DAAM1: variants seen among roughly 807,000 people sequenced by gnomAD.
The protein encoded by DAAM1 is dishevelled associated activator of morphogenesis 1, also known as disheveled-associated activator of morphogenesis 1.
In DAAM1, 52 loss-of-function variants were observed where a neutral mutation model predicts 130.0. The ratio of observed to expected loss-of-function variants is 0.40; its 90% CI spans 0.32 to 0.50. The LOEUF (loss-of-function observed/expected upper bound fraction) is 0.50, where lower values mean the gene tolerates loss of function less well. Among genes scored for constraint, DAAM1 ranks in the 20% least tolerant of loss-of-function variants. The pLI is 0.61. For missense variants in DAAM1, 1,134 were observed against 1,303.8 expected, an observed-to-expected ratio of 0.87 and a Z score of 2.01; for synonymous variants, 452 against 444.5, an observed-to-expected ratio of 1.02 and a Z score of -0.21.
intron 12 of DAAM1, among the ~76,000 whole-genome samples, chr14:59,327,383 A>G (rs1885245385): frequency 7.5e-6 from 1 of 134,206 alleles, no homozygotes; most frequent in Non-Finnish European, 1.6e-5. Context: ...TTAAAAGAGA[A>G]GAACAGGTCA....
At chr14:59,249,211 G>C (rs1881527696) in intron 1 of DAAM1, among the ~76,000 whole-genome samples, 1 of 152,194 alleles carries the variant, frequency 6.6e-6, no homozygotes, top group South Asian at 2.1e-4. Flanking sequence ...AATTGCCAAA[G>C]GAGCCTATTA....
At chr14:59,239,282 A>G (rs560831665) in intron 1 of DAAM1, among the ~76,000 whole-genome samples, 2 of 152,318 alleles carry the variant, frequency 1.3e-5, no homozygotes, top group East Asian at 3.9e-4. Context: ...CCAACCTATA[A>G]TTAGGACAAT....
At chr14:59,241,968 G>C (rs1185756665) in intron 1 of DAAM1, among the ~76,000 whole-genome samples, 2 of 152,046 alleles carry the variant, frequency 1.3e-5, no homozygotes, top group East Asian at 3.9e-4. Flanking sequence ...GGATTAAATT[G>C]CTCAAATCAA....
chr14:59,228,331 A>G (rs17095892), intron 1 of DAAM1, among the ~76,000 whole-genome samples: 4,307 of 152,260 alleles, frequency 0.028, 94 homozygotes, highest in African/African-American at 0.031. Flanking sequence ...TGTGTAACCT[A>G]TAGGTAATAT....
intron 17 of DAAM1, among the ~76,000 whole-genome samples, chr14:59,349,541 G>A (rs1028060943): frequency 3.9e-5 from 6 of 152,038 alleles, no homozygotes; most frequent in East Asian, 1.9e-4. Context: ...CTTTACTTCC[G>A]TTTCCTCTAT....
intron 1 of DAAM1, among the ~76,000 whole-genome samples, chr14:59,224,177 C>T (rs759051402): frequency 6.6e-6 from 1 of 152,200 alleles, no homozygotes; most frequent in South Asian, 2.1e-4. Flanking sequence ...CAGCAGCATA[C>T]CAGGTACCAG....
intron 1 of DAAM1, among the ~76,000 whole-genome samples, chr14:59,216,456 C>T (rs751045092): frequency 2.0e-5 from 3 of 152,170 alleles, no homozygotes; most frequent in Non-Finnish European, 4.4e-5. Context: ...CGCAGTGGCT[C>T]ATGCCTGTAA....
At chr14:59,195,800 A>G (rs906082756) in intron 1 of DAAM1, among the ~76,000 whole-genome samples, 4 of 152,156 alleles carry the variant, frequency 2.6e-5, no homozygotes, top group African/African-American at 9.7e-5. Context: ...GTGACATACA[A>G]ACCAGGTCAA....
chr14:59,284,467 T>C (rs1883356931), intron 2 of DAAM1, among the ~76,000 whole-genome samples: 1 of 152,162 alleles, frequency 6.6e-6, no homozygotes, highest in South Asian at 2.1e-4. Context: ...TTAATTTACA[T>C]ATTTTATTGA....
chr14:59,299,220 T>C (rs1448656414), intron 3 of DAAM1, among the ~76,000 whole-genome samples: 2 of 152,206 alleles, frequency 1.3e-5, no homozygotes, highest in Non-Finnish European at 2.9e-5. Context: ...TACAATTTTT[T>C]CTAAGATAAA....
chr14:59,242,589 C>A (rs556901579), intron 1 of DAAM1, among the ~76,000 whole-genome samples: 1 of 152,140 alleles, frequency 6.6e-6, no homozygotes, highest in Admixed American at 6.5e-5. Context: ...GACAGAGTCT[C>A]GCTCTATCCC....
chr14:59,324,172 T>C lies in DAAM1; in HGVS notation c.819T>C (p.Asp273=). The change falls in exon 7 of 25, where the codon GAT becomes GAC. Residue 273 remains aspartate (D), a synonymous_variant. Transcript: ENST00000360909. The part of the protein sequence containing the change: ...DLDKSTGRYR[D]EVSLKTAIMS... ...ATAAAAGCACTGGGCGGTATCGAGA[T>C]GAAGTGAGTCTCAAGACTGCCATCA... The C allele has an allele frequency of 6.9e-7, 1 of 1,459,264 alleles. No homozygotes were observed. The highest frequency in any genetic ancestry group is 1.7e-5 in the South Asian group (1 of 58,796). 90.4% of individuals were successfully genotyped at this position (1,459,264 alleles called of 1,614,324 possible). A position where few individuals can be genotyped will look rare whatever the true frequency, so the allele number is the denominator to read the frequency against.
At chr14:59,331,620 G>A in intron 14 of DAAM1, 112 bp downstream of exon 14, 1 of 1,511,030 alleles carries the variant, frequency 6.6e-7, no homozygotes, top group East Asian at 2.3e-5. Context: ...TTCTAATGTG[G>A]ACCAAGAGTT....
chr14:59,255,753 T>C (rs2139490195), intron 1 of DAAM1, among the ~76,000 whole-genome samples: 1 of 152,334 alleles, frequency 6.6e-6, no homozygotes, highest in East Asian at 1.9e-4. Flanking sequence ...TTTCAGAAAT[T>C]CCAGAGACCA....
chr14:59,333,882 A>C (rs73298067), intron 15 of DAAM1, among the ~76,000 whole-genome samples: 5,326 of 152,260 alleles, frequency 0.035, 290 homozygotes, highest in African/African-American at 0.12. Flanking sequence ...AGTTCTCAAG[A>C]GCTCTGGGAG....
At chr14:59,348,837 T>C (rs1594841479) in intron 17 of DAAM1, among the ~76,000 whole-genome samples, 1 of 152,188 alleles carries the variant, frequency 6.6e-6, no homozygotes, top group Non-Finnish European at 1.5e-5. Context: ...CACTCCCTAA[T>C]GGACCAGCCC....
At chr14:59,220,276 T>C (rs1888729323) in intron 1 of DAAM1, among the ~76,000 whole-genome samples, 1 of 152,204 alleles carries the variant, frequency 6.6e-6, no homozygotes, top group Non-Finnish European at 1.5e-5. Context: ...GCAAGGGTGA[T>C]ATGTTTTACT....
intron 1 of DAAM1, among the ~76,000 whole-genome samples, chr14:59,251,406 C>T (rs957253159): frequency 6.7e-6 from 1 of 149,972 alleles, no homozygotes; most frequent in Admixed American, 6.6e-5. Context: ...GGCTGAGGTT[C>T]TTCCCTCAGT....
intron 15 of DAAM1, among the ~76,000 whole-genome samples, chr14:59,337,501 G>A (rs1885672356): frequency 6.6e-6 from 1 of 152,222 alleles, no homozygotes; most frequent in Non-Finnish European, 1.5e-5. Context: ...TGCTGGTTGT[G>A]CAAGCTGTTG....
Sources: gnomAD v4.1 joint callset for allele counts (sites outside exome capture counted in the v4.1 genomes callset) on GRCh38, gnomAD v4.1.1 for gene constraint, MANE v1.5 for transcripts, NCBI Gene and HGNC (gene_info 2026-07-23, HGNC 2026-07-21) for gene names.